Variants in CES5A observed in about 807,000 individuals in gnomAD.
The protein encoded by CES5A is carboxylesterase 5.
A neutral mutation model predicts 62.9 loss-of-function variants in CES5A; 67 were observed. The observed-to-expected ratio is 1.07, with a 90% CI of 0.88 to 1.31. The LOEUF is 1.31. CES5A is among the 50% of genes most tolerant of loss of function. The pLI, the probability that CES5A is intolerant of heterozygous loss-of-function variation, is 0.00. For missense variants in CES5A, 748 were observed against 708.5 expected, an observed-to-expected ratio of 1.06 and a Z score of -0.63; for synonymous variants, 296 against 280.8, an observed-to-expected ratio of 1.05 and a Z score of -0.54.
At chr16:55,936,873 T>C (rs2034382161) in intron 2 of CES5A, among the ~76,000 whole-genome samples, 1 of 152,226 alleles carries the variant, frequency 6.6e-6, no homozygotes, top group Non-Finnish European at 1.5e-5. Context: ...TCATCTCATA[T>C]GCTTCATATA....
chr16:55,942,861 C>T (rs1256524845), intron 2 of CES5A, among the ~76,000 whole-genome samples: 3 of 152,136 alleles, frequency 2.0e-5, no homozygotes, highest in African/African-American at 7.2e-5. Context: ...AAAAAACAAC[C>T]TGGATGAATC....
At chr16:55,945,963 C>T (rs1292670972) in intron 2 of CES5A, among the ~76,000 whole-genome samples, 8 of 152,162 alleles carry the variant, frequency 5.3e-5, no homozygotes, top group African/African-American at 1.9e-4. Flanking sequence ...ATTCCCCACC[C>T]TGCATGGATT....
chr16:55,897,227 C>A (rs1052619294), intron 1 of CES5A, among the ~76,000 whole-genome samples: 3 of 152,126 alleles, frequency 2.0e-5, no homozygotes, highest in African/African-American at 7.2e-5. Context: ...GACAGAGAAC[C>A]ATTCCCTGCT....
chr16:55,893,896 C>T (rs1353248775), intron 1 of CES5A, among the ~76,000 whole-genome samples: 1 of 151,792 alleles, frequency 6.6e-6, no homozygotes, highest in Non-Finnish European at 1.5e-5. Context: ...AGATGAATAC[C>T]AATTTAAATA....
At chr16:55,914,444 G>A (rs12445053) in intron 1 of CES5A, among the ~76,000 whole-genome samples, 73,014 of 151,854 alleles carry the variant, frequency 0.48, 18,052 homozygotes, top group Non-Finnish European at 0.52. Context: ...GGTAGTAGGT[G>A]GTGGGTGGGG....
At chr16:55,881,866 G>C (rs1425130548) in intron 1 of CES5A, among the ~76,000 whole-genome samples, 2 of 152,186 alleles carry the variant, frequency 1.3e-5, no homozygotes, top group Non-Finnish European at 2.9e-5. Flanking sequence ...GCAGAGGCCA[G>C]GTTGTGCTGC....
At chr16:55,927,152 C>CTTTAA (rs2034265389), upstream of CES5A, among the ~76,000 whole-genome samples, 1 of 151,982 alleles carries the variant, frequency 6.6e-6, no homozygotes, top group African/African-American at 2.4e-5. Context: ...GACTTGAAAC[C>CTTTAA]AGAAAAATCT....
chr16:55,894,034 T>G (rs2033906756), intron 1 of CES5A, among the ~76,000 whole-genome samples: 1 of 152,178 alleles, frequency 6.6e-6, no homozygotes, highest in Non-Finnish European at 1.5e-5. Context: ...GAATGGTGTC[T>G]ATTTTTGTTA....
chr16:55,873,124 A>G (rs1214470361), intron 2 of CES5A, among the ~76,000 whole-genome samples: 1 of 152,038 alleles, frequency 6.6e-6, no homozygotes, highest in African/African-American at 2.4e-5. Flanking sequence ...GACAGAATCT[A>G]AAGAGTTGGA....
At chr16:55,865,019 C>G (rs148703072) in intron 5 of CES5A, among the ~76,000 whole-genome samples, 5,424 of 151,974 alleles carry the variant, frequency 0.036, 312 homozygotes, top group African/African-American at 0.12. Context: ...CCAGCCTGAC[C>G]AACATGGAGA....
At chr16:55,916,946 A>G (rs544961846) in intron 1 of CES5A, among the ~76,000 whole-genome samples, 4 of 152,298 alleles carry the variant, frequency 2.6e-5, no homozygotes, top group Admixed American at 2.6e-4. Context: ...ACAGCAGCAT[A>G]GACTTCTCTC....
intron 9 of CES5A, among the ~76,000 whole-genome samples, chr16:55,855,443 T>C (rs2033220794): frequency 6.6e-6 from 1 of 152,236 alleles, no homozygotes; most frequent in South Asian, 2.1e-4. Flanking sequence ...AATGAGTGAA[T>C]GAACGAGTAA....
chr16:55,951,328 G>T (rs1301204375), intron 1 of CES5A, among the ~76,000 whole-genome samples: 3 of 152,008 alleles, frequency 2.0e-5, no homozygotes, highest in African/African-American at 7.3e-5. Flanking sequence ...AAGCAGTAAA[G>T]AAATAAAAGT....
intron 1 of CES5A, among the ~76,000 whole-genome samples, chr16:55,920,204 C>T (rs570872933): frequency 6.6e-6 from 1 of 152,318 alleles, no homozygotes; most frequent in Admixed American, 6.5e-5. Flanking sequence ...CCCCTCCCCT[C>T]ATTCTGCCCA....
At chr16:55,876,274 G>T (rs2033692164), upstream of CES5A, among the ~76,000 whole-genome samples, 2 of 151,926 alleles carry the variant, frequency 1.3e-5, no homozygotes, top group African/African-American at 2.4e-5. Flanking sequence ...TCTTTAAATT[G>T]ACATTTTTTA....
At chr16:55,934,083 C>T in intron 2 of CES5A, among the ~76,000 whole-genome samples, 1 of 152,138 alleles carries the variant, frequency 6.6e-6, no homozygotes, top group Non-Finnish European at 1.5e-5. Context: ...TCAAATTTTA[C>T]CTTTATAGTG....
intron 9 of CES5A, among the ~76,000 whole-genome samples, chr16:55,854,556 T>TTTTC (rs1263540518): frequency 7.3e-6 from 1 of 136,712 alleles, no homozygotes; most frequent in African/African-American, 2.9e-5. Flanking sequence ...TTTTTTTTTT[T>TTTTC]TGAGACAGAG....
intron 1 of CES5A, among the ~76,000 whole-genome samples, chr16:55,885,700 G>A (rs2088682256): frequency 6.6e-6 from 1 of 152,174 alleles, no homozygotes; most frequent in African/African-American, 2.4e-5. Context: ...CCTGTGGGAA[G>A]CATGGCCTTG....
intron 1 of CES5A, among the ~76,000 whole-genome samples, chr16:55,904,677 C>A (rs1286099055): frequency 1.3e-5 from 2 of 152,166 alleles, no homozygotes; most frequent in Non-Finnish European, 2.9e-5. Flanking sequence ...AAAAAGGAAA[C>A]AAGCTCAGAA....
Sources: gnomAD v4.1 joint callset for allele counts (sites outside exome capture counted in the v4.1 genomes callset) on GRCh38, gnomAD v4.1.1 for gene constraint, MANE v1.5 for transcripts, NCBI Gene and HGNC (gene_info 2026-07-23, HGNC 2026-07-21) for gene names.